The following WDFY4 variants were observed in gnomAD, a reference collection of about 807,000 sequenced individuals.
WDFY4 encodes the protein WDFY family member 4.
A neutral mutation model predicts 351.9 loss-of-function variants in WDFY4; 169 were observed. The observed-to-expected ratio is 0.48, with a 90% CI of 0.42 to 0.55. The LOEUF is 0.55. WDFY4 is among the 20% of genes least tolerant of loss of function. WDFY4 has a pLI of 0.00. For missense variants in WDFY4, 3,803 were observed against 3,935.6 expected (o/e 0.97, Z 0.90); for synonymous variants, 1,622 against 1,574.6 (o/e 1.03, Z -0.71).
intron 43 of WDFY4, among the ~76,000 whole-genome samples, chr10:48,887,164 T>G (rs2070489830): frequency 6.6e-6 from 1 of 152,256 alleles, no homozygotes; most frequent in African/African-American, 2.4e-5. Flanking sequence ...CATAGGCATG[T>G]GCTCTGAGAC....
At chr10:48,978,982 A>C (rs1207084260) in intron 60 of WDFY4, 1 of 152,596 alleles carries the variant, frequency 6.6e-6, no homozygotes, top group Non-Finnish European at 1.5e-5. Flanking sequence ...TTTCTAAAAC[A>C]CAGTCCACAC....
intron 20 of WDFY4, among the ~76,000 whole-genome samples, chr10:48,787,864 C>T (rs1355220598): frequency 7.9e-6 from 1 of 126,430 alleles, no homozygotes; most frequent in Non-Finnish European, 1.6e-5. Context: ...CTTCTTTCTT[C>T]TTCTTTCTTC....
intron 28 of WDFY4, among the ~76,000 whole-genome samples, chr10:48,808,688 C>T (rs1272001238): frequency 6.6e-6 from 1 of 152,200 alleles, no homozygotes; most frequent in Non-Finnish European, 1.5e-5. Context: ...AATTTACCAG[C>T]CTATAAATCC....
At chr10:48,720,562 C>A (rs2064050610) in intron 3 of WDFY4, among the ~76,000 whole-genome samples, 4 of 151,872 alleles carry the variant, frequency 2.6e-5, no homozygotes, top group Admixed American at 2.6e-4. Context: ...AAACTACACA[C>A]AGACACACAC....
At chr10:48,854,120 T>G (rs1268891314) in intron 39 of WDFY4, among the ~76,000 whole-genome samples, 1 of 151,914 alleles carries the variant, frequency 6.6e-6, no homozygotes, top group African/African-American at 2.4e-5. Context: ...AGTCATTTTT[T>G]TTTTTTTTTG....
intron 35 of WDFY4, chr10:48,823,366 A>C: frequency 1.6e-6 from 2 of 1,258,512 alleles, no homozygotes; most frequent in Admixed American, 2.6e-5. Flanking sequence ...TCCTGCCAGC[A>C]GTCCTGGTTA....
intron 11 of WDFY4, among the ~76,000 whole-genome samples, chr10:48,738,260 C>CT (rs1310255937): frequency 1.3e-5 from 2 of 152,192 alleles, no homozygotes; most frequent in Non-Finnish European, 2.9e-5. Context: ...TAGAAAGTTC[C>CT]TTTTGTTTAC....
intron 13 of WDFY4, among the ~76,000 whole-genome samples, chr10:48,763,539 T>A (rs1042436398): frequency 6.6e-6 from 1 of 152,212 alleles, no homozygotes; most frequent in Non-Finnish European, 1.5e-5. Flanking sequence ...AAAAATCCAC[T>A]GCGGCCTCTT....
At chr10:48,899,055 A>G (rs1301074598) in intron 45 of WDFY4, among the ~76,000 whole-genome samples, 1 of 150,964 alleles carries the variant, frequency 6.6e-6, no homozygotes, top group Non-Finnish European at 1.5e-5. Context: ...AGTAGCAGAT[A>G]GGTATCAGTC....
chr10:48,795,330 A>G (rs951881257), intron 23 of WDFY4, among the ~76,000 whole-genome samples: 6 of 151,742 alleles, frequency 4.0e-5, no homozygotes, highest in Admixed American at 3.9e-4. Context: ...AATATAGCTT[A>G]TTAGAAGGAC....
chr10:48,872,868 A>G (rs1426759446), intron 40 of WDFY4, among the ~76,000 whole-genome samples: 1 of 152,218 alleles, frequency 6.6e-6, no homozygotes, highest in East Asian at 1.9e-4. Context: ...AATATTCTAG[A>G]ATCTCTGAAC....
At chr10:48,752,130 C>T (rs1359458962) in intron 12 of WDFY4, among the ~76,000 whole-genome samples, 1 of 152,202 alleles carries the variant, frequency 6.6e-6, no homozygotes, top group Admixed American at 6.5e-5. Flanking sequence ...AGAACCTTGT[C>T]TCCATTCCTG....
intron 1 of WDFY4, among the ~76,000 whole-genome samples, chr10:48,689,445 C>T (rs1041130109): frequency 1.3e-5 from 2 of 152,048 alleles, no homozygotes; most frequent in African/African-American, 2.4e-5. Context: ...AAACTAACAA[C>T]AAAAAATTAT....
chr10:48,911,345 C>A (rs1282639633), intron 47 of WDFY4, among the ~76,000 whole-genome samples: 1 of 152,226 alleles, frequency 6.6e-6, no homozygotes, highest in East Asian at 1.9e-4. Context: ...GTGTGTAAAC[C>A]TTTTATGAGC....
At chr10:48,954,016 C>G (rs544495727) in intron 51 of WDFY4, among the ~76,000 whole-genome samples, 1 of 152,316 alleles carries the variant, frequency 6.6e-6, no homozygotes, top group South Asian at 2.1e-4. Context: ...CTGATTTTAA[C>G]TTGGATCAAT....
chr10:48,870,441 G>A (rs1464667075), intron 40 of WDFY4, among the ~76,000 whole-genome samples: 2 of 152,058 alleles, frequency 1.3e-5, no homozygotes, highest in African/African-American at 2.4e-5. Flanking sequence ...AGGATGCTGG[G>A]GTGGGAAGAT....
chr10:48,869,438 T>A (rs1288399364), intron 40 of WDFY4, among the ~76,000 whole-genome samples: 4 of 152,176 alleles, frequency 2.6e-5, no homozygotes, highest in African/African-American at 9.7e-5. Flanking sequence ...GCCCCCAGCA[T>A]AAGAAGGCAT....
chr10:48,981,520 C>A lies in WDFY4; in HGVS notation c.9488+42C>A, dbSNP rs1044536609. On this transcript the variant is annotated intron_variant, in intron 61 of 61. Coordinates refer to ENST00000325239, the MANE Select transcript of WDFY4 (RefSeq NM_001394531.1). ...TTCTCTGGGTCTCCAGCAGAGGGCA[C>A]TGCAGCCACCTTTAGGAAAGCCCCA... 2.6e-6 allele frequency: 4 copies of A among 1,535,658 alleles called. No homozygotes were observed. The African/African-American group carries it at 5.5e-5, about 21-fold the overall frequency.
At chr10:48,787,786 T>C (rs1425176434) in intron 20 of WDFY4, among the ~76,000 whole-genome samples, 2 of 88,502 alleles carry the variant, frequency 2.3e-5, no homozygotes, top group African/African-American at 4.4e-5. Context: ...TTTCTTCCTC[T>C]TCCTCCTCCT....
Sources: gnomAD v4.1 joint callset for allele counts (sites outside exome capture counted in the v4.1 genomes callset) on GRCh38, gnomAD v4.1.1 for gene constraint, MANE v1.5 for transcripts, NCBI Gene and HGNC (gene_info 2026-07-23, HGNC 2026-07-21) for gene names.